Variants in ZNF385B observed in about 807,000 individuals in gnomAD.
ZNF385B encodes zinc finger protein 385B.
In ZNF385B, 23 loss-of-function variants were observed where a neutral mutation model predicts 39.2. That is an observed-to-expected ratio of 0.59 (90% CI 0.42 to 0.83). ZNF385B has a LOEUF of 0.83. ZNF385B is among the 40% of genes least tolerant of loss of function. The pLI is 0.00. For synonymous variants in ZNF385B, 205 were observed against 222.6 expected (o/e 0.92, Z 0.70); for missense variants, 552 against 598.9 (o/e 0.92, Z 0.82).
At chr2:179,518,469 G>T in intron 5 of ZNF385B, 59 bp downstream of exon 5, 1 of 1,202,192 alleles carries the variant, frequency 8.3e-7, no homozygotes, top group South Asian at 1.3e-5. Flanking sequence ...TACGTATTTA[G>T]ATCAATCAGA....
intron 3 of ZNF385B, among the ~76,000 whole-genome samples, chr2:179,756,851 G>A (rs1318200284): frequency 1.3e-5 from 2 of 152,098 alleles, no homozygotes; most frequent in African/African-American, 4.8e-5. Flanking sequence ...GGTTATTCTA[G>A]TTAGCCATTT....
At chr2:179,665,111 G>A (rs1307671556) in intron 3 of ZNF385B, among the ~76,000 whole-genome samples, 4 of 152,214 alleles carry the variant, frequency 2.6e-5, no homozygotes, top group African/African-American at 7.2e-5. Flanking sequence ...TGGTTCCACA[G>A]GAGTAAGGTG....
chr2:179,528,818 T>A (rs1372891131), intron 4 of ZNF385B, among the ~76,000 whole-genome samples: 1 of 152,218 alleles, frequency 6.6e-6, no homozygotes, highest in Non-Finnish European at 1.5e-5. Flanking sequence ...ATATGGTCAG[T>A]CCAAATGTTA....
chr2:179,798,058 C>G (rs183781414), intron 1 of ZNF385B, among the ~76,000 whole-genome samples: 13 of 152,144 alleles, frequency 8.5e-5, no homozygotes, highest in African/African-American at 3.1e-4. Context: ...TAGAATCTTC[C>G]ACAGGTGGCC....
chr2:179,768,678 G>A (rs1189038825), intron 3 of ZNF385B, among the ~76,000 whole-genome samples: 4 of 152,196 alleles, frequency 2.6e-5, no homozygotes, highest in Non-Finnish European at 4.4e-5. Context: ...AACCTTGGGA[G>A]GAAGACTGTC....
intron 4 of ZNF385B, among the ~76,000 whole-genome samples, chr2:179,525,812 G>A (rs1186810453): frequency 2.0e-5 from 3 of 152,118 alleles, no homozygotes; most frequent in Non-Finnish European, 2.9e-5. Flanking sequence ...TAGCTGTGTC[G>A]CTAAAGAGCA....
chr2:179,837,075 T>G (rs1056777544), intron 1 of ZNF385B, among the ~76,000 whole-genome samples: 9 of 152,168 alleles, frequency 5.9e-5, no homozygotes, highest in Non-Finnish European at 1.3e-4. Flanking sequence ...TGAGAGCTAA[T>G]TAAAGGGTCA....
intron 4 of ZNF385B, among the ~76,000 whole-genome samples, chr2:179,533,305 A>G (rs1195452302): frequency 6.6e-6 from 1 of 152,068 alleles, no homozygotes; most frequent in Non-Finnish European, 1.5e-5. Context: ...TACTCCCCCC[A>G]CCACCTCAGA....
At chr2:179,591,711 T>C (rs1283972243) in intron 3 of ZNF385B, among the ~76,000 whole-genome samples, 1 of 152,094 alleles carries the variant, frequency 6.6e-6, no homozygotes, top group Non-Finnish European at 1.5e-5. Flanking sequence ...AACATTAGAT[T>C]CTCTCTTTTT....
At chr2:179,718,936 C>T (rs150071302) in intron 3 of ZNF385B, among the ~76,000 whole-genome samples, 2 of 150,970 alleles carry the variant, frequency 1.3e-5, no homozygotes, top group East Asian at 3.9e-4. Context: ...CAAATCTACT[C>T]ACACTTTAAA....
chr2:179,446,673 A>C lies in ZNF385B; in HGVS notation c.813T>G (p.Pro271=). Residue 271 remains proline, a synonymous_variant, in exon 7 of 10, where the codon CCT becomes CCG. Coordinates refer to ENST00000410066, the MANE Select transcript of ZNF385B (RefSeq NM_152520.6). Reference sequence around the variant, plus strand: ...TCTTGGAGGGAGAAGTGGCTGCTCCAGGTGGCAGGGGTGTTGTGCCAGATT... The same window carrying C: ...TCTTGGAGGGAGAAGTGGCTGCTCCCGGTGGCAGGGGTGTTGTGCCAGATT... ...LLKSGTTPLP[P]GAATSPSKST... 1.2e-6 allele frequency: 2 copies of C among 1,614,136 alleles called. No homozygotes were observed. The highest frequency in any genetic ancestry group is 1.7e-6 in the Non-Finnish European group (2 of 1,179,990).
At chr2:179,790,138 G>C (rs1334055074) in intron 1 of ZNF385B, among the ~76,000 whole-genome samples, 5 of 152,124 alleles carry the variant, frequency 3.3e-5, no homozygotes, top group Non-Finnish European at 5.9e-5. Flanking sequence ...AACTCCCTGA[G>C]GTGTTGCTAA....
chr2:179,652,411 A>G (rs1440826986), intron 3 of ZNF385B, among the ~76,000 whole-genome samples: 3 of 152,196 alleles, frequency 2.0e-5, no homozygotes, highest in African/African-American at 7.2e-5. Context: ...GGAGTTGAAC[A>G]GTTTGTGCCA....
chr2:179,596,506 A>C (rs974669691), intron 3 of ZNF385B, among the ~76,000 whole-genome samples: 6 of 152,194 alleles, frequency 3.9e-5, no homozygotes, highest in African/African-American at 1.4e-4. Context: ...GGCCACATCT[A>C]CAAATCTTTT....
At chr2:179,688,982 G>A (rs1057361055) in intron 3 of ZNF385B, among the ~76,000 whole-genome samples, 3 of 152,214 alleles carry the variant, frequency 2.0e-5, no homozygotes, top group Non-Finnish European at 2.9e-5. Context: ...TGTATGGGAA[G>A]AGAACTCTTC....
intron 8 of ZNF385B, 67 bp from the exon 9 acceptor site, chr2:179,445,044 G>C (rs1298263440): frequency 3.0e-5 from 42 of 1,421,822 alleles, no homozygotes; most frequent in Non-Finnish European, 4.1e-5. Context: ...CGTATTTCTA[G>C]GTAGCTATTT....
intron 3 of ZNF385B, among the ~76,000 whole-genome samples, chr2:179,737,115 CA>C (rs1444803794): frequency 6.6e-6 from 1 of 152,164 alleles, no homozygotes; most frequent in Non-Finnish European, 1.5e-5. Flanking sequence ...TGCAAACATT[CA>C]AGCTGGGTTG....
chr2:179,810,363 TAAAC>T (rs1195708746), intron 1 of ZNF385B, among the ~76,000 whole-genome samples: 1 of 151,876 alleles, frequency 6.6e-6, no homozygotes, highest in Non-Finnish European at 1.5e-5. Flanking sequence ...CATATAAAAA[TAAAC>T]AAGAAAGTTT....
At chr2:179,576,896 C>T (rs1325942380) in intron 3 of ZNF385B, among the ~76,000 whole-genome samples, 1 of 152,150 alleles carries the variant, frequency 6.6e-6, no homozygotes, top group Non-Finnish European at 1.5e-5. Context: ...CCAGGAATCT[C>T]TGCTGCACTG....
Sources: gnomAD v4.1 joint callset for allele counts (sites outside exome capture counted in the v4.1 genomes callset) on GRCh38, gnomAD v4.1.1 for gene constraint, MANE v1.5 for transcripts, NCBI Gene and HGNC (gene_info 2026-07-23, HGNC 2026-07-21) for gene names.